PTPRN2: variants seen among roughly 807,000 people sequenced by gnomAD.
The protein encoded by PTPRN2 is receptor-type tyrosine-protein phosphatase N2.
Under a neutral mutation model 118.8 loss-of-function variants are expected in PTPRN2, and 74 were observed. That is an observed-to-expected ratio of 0.62 (90% CI 0.52 to 0.76). The LOEUF (loss-of-function observed/expected upper bound fraction) is 0.76, where lower values mean the gene tolerates loss of function less well. PTPRN2 is among the 30% of genes least tolerant of loss of function. PTPRN2 has a pLI of 0.00. For missense variants in PTPRN2, 1,481 were observed against 1,394.4 expected (o/e 1.06, Z -0.99); for synonymous variants, 641 against 608.0 (o/e 1.05, Z -0.80).
At chr7:157,662,751 C>A (rs10266807) in intron 13 of PTPRN2, among the ~76,000 whole-genome samples, 130 of 152,158 alleles carry the variant, frequency 8.5e-4, no homozygotes, top group Middle Eastern at 3.4e-3. Context: ...GCTGCGGGCA[C>A]AGCGCTCTGC....
In PTPRN2 at chr7:157,862,496, G is replaced by C. The variant is rs145811479; in HGVS notation, c.1788+36177C>G. The C allele has an allele frequency of 2.0e-5, 3 of 152,270 alleles. No homozygotes were observed. The East Asian group carries it at 5.8e-4, about 29-fold the overall frequency. 9.4% of individuals were successfully genotyped at this position (152,270 alleles called of 1,614,324 possible). A position where few individuals can be genotyped will look rare whatever the true frequency, so the allele number is the denominator to read the frequency against. On this transcript the variant is annotated intron_variant, in intron 12 of 22. Transcript: ENST00000389418. Reference sequence around the variant, plus strand: ...TCTCCACTAGATTATTTACTAACTGGGGTCAGGATCCATGACTTTTTAACA... The same window carrying C: ...TCTCCACTAGATTATTTACTAACTGCGGTCAGGATCCATGACTTTTTAACA...
chr7:157,776,076 C>T (rs1426178574), intron 12 of PTPRN2, among the ~76,000 whole-genome samples: 1 of 150,154 alleles, frequency 6.7e-6, no homozygotes, highest in East Asian at 2.0e-4. Context: ...CTTCCTCCCT[C>T]TTCTCTTCCT....
intron 2 of PTPRN2, among the ~76,000 whole-genome samples, chr7:158,331,809 T>G (rs1258255874): frequency 6.7e-6 from 1 of 149,850 alleles, no homozygotes; most frequent in African/African-American, 2.5e-5. Context: ...ACACCCACAC[T>G]GTCACCCTAA....
At position 158,530,834 on chromosome 7, in the gene PTPRN2, G is replaced by A. The variant is rs149121000; in HGVS notation, c.113-41049C>T. ...CCTGAGGGGCGAGGCAAGAGGTGTC[G>A]GGCCATGTGGGTCCCATGCAGGTTC... On this transcript the variant is annotated intron_variant, in intron 1 of 22. Coordinates refer to ENST00000389418, the MANE Select transcript of PTPRN2 (RefSeq NM_002847.5). Among the ~76,000 whole-genome samples, 1,361 of 152,266 alleles carry A rather than the reference G, an allele frequency of 8.9e-3. 7 individuals carry two copies. Among genetic ancestry groups the A allele is most frequent in the Non-Finnish European group, 0.015 (996 of 68,010 alleles).
intron 12 of PTPRN2, among the ~76,000 whole-genome samples, chr7:157,687,118 G>C (rs1256324356): frequency 6.6e-6 from 1 of 151,952 alleles, no homozygotes; most frequent in Non-Finnish European, 1.5e-5. Context: ...ACACTGTCCT[G>C]ACCAATTTAA....
intron 16 of PTPRN2, among the ~76,000 whole-genome samples, chr7:157,597,022 G>A (rs1235755634): frequency 2.0e-5 from 3 of 152,316 alleles, no homozygotes; most frequent in African/African-American, 7.2e-5. Flanking sequence ...GCGAGCCAGT[G>A]AGTCCCCGTG....
At chr7:158,100,959 T>C (rs1322708361) in intron 10 of PTPRN2, among the ~76,000 whole-genome samples, 5 of 152,162 alleles carry the variant, frequency 3.3e-5, no homozygotes, top group Non-Finnish European at 7.3e-5. Flanking sequence ...AAAAGCAATC[T>C]ACAAATTCAA....
At position 157,929,927 on chromosome 7, in the gene PTPRN2, G is replaced by A. The variant is rs963867557; in HGVS notation, c.1724-31190C>T. On this transcript the variant is annotated intron_variant, in intron 11 of 22. Transcript: ENST00000389418. This position sits in a 1 kb window ranked among gnomAD's most constrained non-coding sequence, Gnocchi z 4.4. ...GCTGCCTTGGGGCCAGGCATGAAGC[G>A]AATTCAGTCCACATCAGCGGGTCCA... is the stretch of plus-strand genomic sequence containing the variant. Among the ~76,000 whole-genome samples, 4 of 152,146 alleles carry A rather than the reference G, an allele frequency of 2.6e-5. No individual in the cohort carries two copies. The highest frequency in any genetic ancestry group is 4.4e-5 in the Non-Finnish European group (3 of 68,026).
At position 158,529,344 on chromosome 7, in the gene PTPRN2, G is replaced by A. The variant is rs924894606; in HGVS notation, c.113-39559C>T. 1.2e-4 allele frequency among the ~76,000 whole-genome samples: 18 copies of A among 152,302 alleles called. No individual in the cohort carries two copies. Among genetic ancestry groups the A allele is most frequent in the Admixed American group, 4.6e-4 (7 of 15,300 alleles). On this transcript the variant is annotated intron_variant, in intron 1 of 22. Transcript: ENST00000389418. The surrounding 1 kb of genome is among the most constrained non-coding windows in gnomAD (Gnocchi z 4.7). ...ATCTCTGCTGTGCAGGTGCTGACAC[G>A]CCCCAGAGCAAGCATTGGCTGTGTC...
At chr7:157,860,608 C>A (rs1810162133) in intron 12 of PTPRN2, among the ~76,000 whole-genome samples, 1 of 152,364 alleles carries the variant, frequency 6.6e-6, no homozygotes, top group African/African-American at 2.4e-5. Flanking sequence ...AGATACCACT[C>A]CATGCAAATC....
chr7:157,699,061 A>G (rs912191255), intron 12 of PTPRN2, among the ~76,000 whole-genome samples: 2 of 152,260 alleles, frequency 1.3e-5, no homozygotes, highest in Non-Finnish European at 2.9e-5. Flanking sequence ...ATATTTTGTC[A>G]GTTACATACT....
Position 157,575,160 on chromosome 7 carries a change from C to T in PTPRN2, c.2783+1453G>A, listed in dbSNP as rs559643503. The stretch of plus-strand genomic sequence containing the variant: ...GCCCATATGCATATACGTGCAAACA[C>T]ACTGGATGAACGCAAAGACGGGGTG... On this transcript the variant is annotated intron_variant, in intron 19 of 22. Coordinates refer to ENST00000389418, the MANE Select transcript of PTPRN2 (RefSeq NM_002847.5). 1.0e-3 allele frequency among the ~76,000 whole-genome samples: 156 copies of T among 152,306 alleles called. 1 individual carries two copies. Among genetic ancestry groups the T allele is most frequent in the African/African-American group, 3.7e-3 (153 of 41,554 alleles).
At chr7:157,589,184 G>A (rs984216378) in intron 17 of PTPRN2, among the ~76,000 whole-genome samples, 4 of 152,104 alleles carry the variant, frequency 2.6e-5, no homozygotes, top group African/African-American at 9.7e-5. Flanking sequence ...TGACGCCTCC[G>A]GGGACCCCAT....
At chr7:158,485,125 C>T (rs1052100693) in intron 2 of PTPRN2, among the ~76,000 whole-genome samples, 9 of 152,086 alleles carry the variant, frequency 5.9e-5, no homozygotes, top group Middle Eastern at 3.2e-3. Flanking sequence ...GCTTGTGGGT[C>T]GTCACAGCAT....
At chr7:158,511,944 G>A (rs1161145548) in intron 1 of PTPRN2, among the ~76,000 whole-genome samples, 2 of 152,176 alleles carry the variant, frequency 1.3e-5, no homozygotes, top group African/African-American at 4.8e-5. Context: ...AGGGCAGTGA[G>A]GCTATTTCTA....
At chr7:157,554,078 G>A (rs1798770789) in intron 21 of PTPRN2, among the ~76,000 whole-genome samples, 7 of 79,306 alleles carry the variant, frequency 8.8e-5, no homozygotes, top group African/African-American at 3.7e-4. Context: ...GGTGCGGCCA[G>A]GCCGGGCGCC....
At chr7:157,899,927 G>C (rs967519954) in intron 11 of PTPRN2, among the ~76,000 whole-genome samples, 2 of 152,194 alleles carry the variant, frequency 1.3e-5, no homozygotes, top group African/African-American at 2.4e-5. Flanking sequence ...GGTGGCAAGA[G>C]AGCTATAAGG....
chr7:158,269,547 T>C (rs2150955408), intron 3 of PTPRN2, among the ~76,000 whole-genome samples: 1 of 152,292 alleles, frequency 6.6e-6, no homozygotes, highest in South Asian at 2.1e-4. Context: ...ATTTGGCATT[T>C]TCAAATCCAG....
At chr7:158,266,121 T>A (rs1284931824) in intron 3 of PTPRN2, among the ~76,000 whole-genome samples, 2 of 73,818 alleles carry the variant, frequency 2.7e-5, no homozygotes, top group South Asian at 8.5e-4. Context: ...CTGCGGGGTA[T>A]TGTCTGGCAG....
Sources: gnomAD v4.1 joint callset for allele counts (sites outside exome capture counted in the v4.1 genomes callset) on GRCh38, gnomAD v4.1.1 for gene constraint, Gnocchi (gnomAD v3.1) non-coding constraint, MANE v1.5 for transcripts, NCBI Gene and HGNC (gene_info 2026-07-23, HGNC 2026-07-21) for gene names.